The following EHHADH variants were observed in gnomAD, a reference collection of about 807,000 sequenced individuals.
EHHADH encodes the protein enoyl-CoA hydratase and 3-hydroxyacyl CoA dehydrogenase, also known as peroxisomal bifunctional enzyme.
EHHADH carries 48 observed loss-of-function variants against 64.4 expected under a neutral mutation model. That is an observed-to-expected ratio of 0.75 (90% confidence interval 0.59 to 0.95). The LOEUF (loss-of-function observed/expected upper bound fraction) is 0.95, where lower values mean the gene tolerates loss of function less well. EHHADH is among the 40% of genes least tolerant of loss of function. The pLI is 0.00. For missense variants in EHHADH, 854 were observed against 876.6 expected (o/e 0.97, Z 0.33); for synonymous variants, 308 against 326.7 (o/e 0.94, Z 0.62).
At chr3:185,202,435 C>A (rs779981917) in intron 6 of EHHADH, among the ~76,000 whole-genome samples, 1 of 151,728 alleles carries the variant, frequency 6.6e-6, no homozygotes, top group African/African-American at 2.4e-5. Flanking sequence ...GAGACAGATT[C>A]TTTGATACCA....
chr3:185,217,024 A>G (rs926724419), intron 5 of EHHADH, among the ~76,000 whole-genome samples: 3 of 151,900 alleles, frequency 2.0e-5, no homozygotes, highest in Non-Finnish European at 4.4e-5. Flanking sequence ...TTGCGGAGAC[A>G]GAAGTTCTCA....
At chr3:185,218,093 T>A in intron 5 of EHHADH, 43 bp downstream of exon 5, 1 of 1,417,896 alleles carries the variant, frequency 7.1e-7, no homozygotes, top group Non-Finnish European at 9.8e-7. Context: ...TGAACATGTA[T>A]CCTGTTTACA....
intron 5 of EHHADH, among the ~76,000 whole-genome samples, chr3:185,205,151 TTTTA>T (rs1718352263): frequency 6.6e-6 from 1 of 151,872 alleles, no homozygotes; most frequent in Admixed American, 6.6e-5. Context: ...TGAGTTAATA[TTTTA>T]TTTATTAATT....
At chr3:185,228,444 C>T (rs1405743848) in intron 4 of EHHADH, among the ~76,000 whole-genome samples, 1 of 151,230 alleles carries the variant, frequency 6.6e-6, no homozygotes, top group Non-Finnish European at 1.5e-5. Flanking sequence ...TTTGGGAGGC[C>T]AAGGCAGGTG....
Position 185,192,713 on chromosome 3 carries a change from G to C in EHHADH, c.1685C>G (p.Pro562Arg). ...TCGTCCTAATTCACAGAGCACATCA[G>C]GAATTGGGCAGTACCTCCTATTACC... is the stretch of plus-strand genomic sequence containing the variant. ...KRGNRRYCPI[P>R]DVLCELGRFG... The change falls in exon 7 of 7, where the codon CCT becomes CGT. Residue 562 changes from proline (P) to arginine (R), a missense_variant. Transcript: ENST00000231887. The C allele has an allele frequency of 6.2e-7, 1 of 1,614,146 alleles. No individual in the cohort carries two copies. The highest frequency in any genetic ancestry group is 1.3e-5 in the African/African-American group (1 of 75,022).
rs147089281 is a variant in EHHADH, at chr3:185,217,827, C to T, written c.568+309G>A. Among the ~76,000 whole-genome samples the T allele has an allele frequency of 5.2e-3, 784 of 150,098 alleles. 10 individuals are homozygous for T. Among genetic ancestry groups the T allele is most frequent in the African/African-American group, 0.018 (755 of 40,812 alleles). On this transcript the variant is annotated intron_variant, in intron 5 of 6. Coordinates refer to ENST00000231887, the MANE Select transcript of EHHADH (RefSeq NM_001966.4). Reference sequence around the variant, plus strand: ...TCGCCCAGGATGGAGTGCAGTGGCGCGATCTCGGCTCACTGCAAGCTCCGC... The same window carrying T: ...TCGCCCAGGATGGAGTGCAGTGGCGTGATCTCGGCTCACTGCAAGCTCCGC...
intron 6 of EHHADH, among the ~76,000 whole-genome samples, chr3:185,197,582 G>A (rs752866315): frequency 1.3e-5 from 2 of 152,152 alleles, no homozygotes; most frequent in African/African-American, 2.4e-5. Context: ...TCACTTAGCA[G>A]TATGTCCTCA....
At chr3:185,244,594 T>C (rs1719545645) in intron 2 of EHHADH, among the ~76,000 whole-genome samples, 1 of 152,162 alleles carries the variant, frequency 6.6e-6, no homozygotes, top group South Asian at 2.1e-4. Flanking sequence ...AAGAAGGTCT[T>C]CGCAGATGTT....
rs1184131277 is a variant in EHHADH, at chr3:185,192,399, C to A, written c.1999G>T (p.Ala667Ser). ...PRHKGGPMFY[A>S]STVGLPTVLE... ...ACTGTGGGCAACCCAACTGTGGAAG[C>A]ATAGAACATGGGCCCGCCCTTGTGC... The change falls in exon 7 of 7, where the codon GCT becomes TCT. Residue 667 changes from alanine to serine, a missense_variant. By Grantham distance (99) the Ala-to-Ser change is moderately conservative (BLOSUM62 1). Coordinates refer to ENST00000231887, the MANE Select transcript of EHHADH (RefSeq NM_001966.4). The A allele has an allele frequency of 6.2e-7, 1 of 1,614,212 alleles. No individual in the cohort carries two copies. Among genetic ancestry groups the A allele is most frequent in the South Asian group, 1.1e-5 (1 of 91,080 alleles).
rs1717945320 is a variant in EHHADH at position 185,192,959 on chromosome 3, A to G, written c.1439T>C (p.Val480Ala). ...GTAAGGATTCAACATTCGATTCCCC[A>G]CAAATCCAAAACAGTTGCCTACAAC... ...GVVVGNCFGF[V>A]GNRMLNPYYN... is the part of the protein sequence containing the mutation. Residue 480 changes from valine to alanine, a missense_variant, in exon 7 of 7, where the codon GTG becomes GCG. Coordinates refer to ENST00000231887, the MANE Select transcript of EHHADH (RefSeq NM_001966.4). 1 of 1,614,088 alleles carries G rather than the reference A, an allele frequency of 6.2e-7. No individual in the cohort carries two copies. Among genetic ancestry groups the G allele is most frequent in the African/African-American group, 1.3e-5 (1 of 74,938 alleles).
intron 6 of EHHADH, among the ~76,000 whole-genome samples, chr3:185,199,193 G>C (rs1718157998): frequency 6.6e-6 from 1 of 152,092 alleles, no homozygotes; most frequent in African/African-American, 2.4e-5. Flanking sequence ...GTCGAGGAAG[G>C]GAAAAACATA....
intron 6 of EHHADH, among the ~76,000 whole-genome samples, chr3:185,198,521 G>A (rs116236130): frequency 0.037 from 5,619 of 151,828 alleles, 323 homozygotes; most frequent in African/African-American, 0.12. Flanking sequence ...GTGCTCAGCC[G>A]CAGCTGTACC....
At chr3:185,248,364 G>A in intron 2 of EHHADH, 50 bp downstream of exon 2, 1 of 1,325,664 alleles carries the variant, frequency 7.5e-7, no homozygotes, top group Non-Finnish European at 1.1e-6. Context: ...ATTGGTCTCA[G>A]TCTGTGGCTG....
rs535899640 is a variant in EHHADH, at chr3:185,253,822, G to A, written c.74+127C>T. ...AAAAGAAAAAAAAAGTTCCTGGCAT[G>A]TACCAGTTGCTCAACTCTTGAGTGT... On this transcript the variant is annotated intron_variant, in intron 1 of 6. Transcript: ENST00000231887. 5.0e-5 allele frequency: 70 copies of A among 1,413,160 alleles called. No homozygotes were observed. In the African/African-American group the frequency reaches 9.0e-4, roughly 18 times the overall value. 87.5% of individuals were successfully genotyped at this position (1,413,160 alleles called of 1,614,324 possible). A position where few individuals can be genotyped will look rare whatever the true frequency, so the allele number is the denominator to read the frequency against.
In EHHADH at chr3:185,193,042, G is replaced by C. The variant is rs1261666669; in HGVS notation, c.1356C>G (p.Ser452=). 1.2e-6 allele frequency: 2 copies of C among 1,614,074 alleles called. No homozygotes were observed. Among genetic ancestry groups the C allele is most frequent in the African/African-American group, 2.7e-5 (2 of 74,916 alleles). Residue 452 remains serine (S), a synonymous_variant, in exon 7 of 7, where the codon TCC becomes TCG. Coordinates refer to ENST00000231887, the MANE Select transcript of EHHADH (RefSeq NM_001966.4). ...TCATAACAGTGGCAATGGTAGTGGG[G>C]GAAGAGTATTGGCTGGGAATAACCT... ...LLEVIPSQYS[S]PTTIATVMNL...
chr3:185,194,799 T>TAAAAA (rs1718011616), intron 6 of EHHADH, among the ~76,000 whole-genome samples: 1 of 1,814 alleles, frequency 5.5e-4, no homozygotes, highest in African/African-American at 8.0e-4. Context: ...AGACCCTGTC[T>TAAAAA]CAAAAAAAAA....
chr3:185,223,777 A>T (rs1046708953), intron 4 of EHHADH, among the ~76,000 whole-genome samples: 30 of 152,212 alleles, frequency 2.0e-4, no homozygotes, highest in African/African-American at 5.3e-4. Flanking sequence ...GCCAAGCTTT[A>T]TGAGAATACA....
At chr3:185,211,322 T>G (rs1211321451) in intron 5 of EHHADH, among the ~76,000 whole-genome samples, 9 of 152,222 alleles carry the variant, frequency 5.9e-5, no homozygotes, top group Admixed American at 5.9e-4. Flanking sequence ...GATTCAAATA[T>G]ACTATTAATT....
intron 4 of EHHADH, among the ~76,000 whole-genome samples, chr3:185,224,581 T>C (rs1371670128): frequency 6.6e-6 from 1 of 150,982 alleles, no homozygotes; most frequent in African/African-American, 2.4e-5. Flanking sequence ...TGATTACTAA[T>C]AGCTTTTGTA....
Sources: gnomAD v4.1 joint callset for allele counts (sites outside exome capture counted in the v4.1 genomes callset) on GRCh38, gnomAD v4.1.1 for gene constraint, MANE v1.5 for transcripts, NCBI Gene and HGNC (gene_info 2026-07-23, HGNC 2026-07-21) for gene names.